Variants in KATNIP observed in about 807,000 individuals in gnomAD.
KATNIP encodes the protein katanin-interacting protein.
A neutral mutation model predicts 174.0 loss-of-function variants in KATNIP; 126 were observed. That is an observed-to-expected ratio of 0.72 (90% confidence interval 0.63 to 0.84). The LOEUF is 0.84. KATNIP is among the 40% of genes least tolerant of loss of function. The pLI is 0.00. For synonymous variants in KATNIP, 810 were observed against 835.7 expected (o/e 0.97, Z 0.53); for missense variants, 1,958 against 2,109.7 (o/e 0.93, Z 1.41).
intron 18 of KATNIP, among the ~76,000 whole-genome samples, chr16:27,759,095 G>A (rs534440962): frequency 6.6e-6 from 1 of 152,300 alleles, no homozygotes; most frequent in South Asian, 2.1e-4. Context: ...AATTAGTCAT[G>A]TGTTTAAAAT....
chr16:27,739,186 A>G (rs1267152570), intron 14 of KATNIP, among the ~76,000 whole-genome samples: 1 of 152,162 alleles, frequency 6.6e-6, no homozygotes, highest in Non-Finnish European at 1.5e-5. Context: ...GGTCAGACCC[A>G]GGAAGTGTTC....
At chr16:27,669,006 AAAAAAG>A (rs1302130218) in intron 6 of KATNIP, among the ~76,000 whole-genome samples, 1 of 152,174 alleles carries the variant, frequency 6.6e-6, no homozygotes, top group Non-Finnish European at 1.5e-5. Flanking sequence ...ACCCTTCCTC[AAAAAAG>A]AAAAAGAAAA....
intron 6 of KATNIP, among the ~76,000 whole-genome samples, chr16:27,654,287 A>T (rs2077200879): frequency 1.3e-5 from 2 of 152,046 alleles, no homozygotes; most frequent in South Asian, 2.1e-4. Context: ...CCCATTTTTT[A>T]AAAAAACTCA....
rs1413134153 is a variant in KATNIP, at chr16:27,708,876, G to A, written c.1561G>A (p.Ala521Thr). Residue 521 changes from alanine (A) to threonine (T), a missense_variant, in exon 13 of 28, where the codon GCC (alanine) becomes ACC (threonine). Physicochemically the swap from Ala to Thr is moderately conservative, Grantham distance 58. Coordinates refer to ENST00000261588, the MANE Select transcript of KATNIP (RefSeq NM_015202.5). ...CCACGATGTGGATATCCGGAACACAGCCACGCCTGGGGAGCTGGGCCGCCT... is the reference window on the plus strand; with the variant it reads ...CCACGATGTGGATATCCGGAACACAACCACGCCTGGGGAGCTGGGCCGCCT... Reference protein sequence around the residue: ...SPHDVDIRNTATPGELGRLVN... With the variant: ...SPHDVDIRNTTTPGELGRLVN... 18 of 1,613,920 alleles carry A rather than the reference G, an allele frequency of 1.1e-5. 1 individual carries two copies. Among genetic ancestry groups the A allele is most frequent in the Non-Finnish European group, 1.5e-5 (18 of 1,180,020 alleles).
intron 14 of KATNIP, among the ~76,000 whole-genome samples, chr16:27,733,564 GACACACACACAC>G (rs10558929): frequency 1.1e-3 from 153 of 143,376 alleles, no homozygotes; most frequent in Non-Finnish European, 1.5e-3. Flanking sequence ...AAACAAGAAG[GACACACACACAC>G]ACACACACAC....
chr16:27,727,180 ATGTTTGTTTGTT>A (rs537764418), intron 14 of KATNIP: 2 of 191,374 alleles, frequency 1.0e-5, no homozygotes, highest in African/African-American at 4.7e-5. Context: ...CTGATGGAGG[ATGTTTGTTTGTT>A]TGTTTGTTTG....
At chr16:27,701,289 C>G (rs1310208872) in intron 10 of KATNIP, 2 of 214,340 alleles carry the variant, frequency 9.3e-6, no homozygotes, top group African/African-American at 4.5e-5. Context: ...TCCCAAAATG[C>G]TACAGTTACA....
intron 1 of KATNIP, 113 bp downstream of exon 1, chr16:27,550,290 C>G: frequency 8.1e-7 from 1 of 1,229,804 alleles, no homozygotes; most frequent in Non-Finnish European, 1.1e-6. Flanking sequence ...CTTCCTGACC[C>G]AAGGGGGTCT....
At chr16:27,757,396 C>A in intron 18 of KATNIP, 1 of 610,476 alleles carries the variant, frequency 1.6e-6, no homozygotes, top group Non-Finnish European at 2.1e-6. Flanking sequence ...CAGGGTGGTT[C>A]TCCAGAGCGG....
At chr16:27,638,133 C>T (rs2076689940) in intron 5 of KATNIP, among the ~76,000 whole-genome samples, 1 of 152,184 alleles carries the variant, frequency 6.6e-6, no homozygotes, top group Non-Finnish European at 1.5e-5. Context: ...AGGGCATGGC[C>T]TGGGCTGCTG....
At chr16:27,627,457 C>T (rs375518851) in intron 3 of KATNIP, among the ~76,000 whole-genome samples, 6 of 152,106 alleles carry the variant, frequency 3.9e-5, no homozygotes, top group South Asian at 2.1e-4. Flanking sequence ...GAATCAACGG[C>T]GTAATAAGGC....
chr16:27,761,522 G>C lies in KATNIP; in HGVS notation c.3741G>C (p.Gln1247His). 6.2e-7 allele frequency: 1 copy of C among 1,614,150 alleles called. No individual in the cohort carries two copies. The change falls in exon 19 of 28, where the codon CAG becomes CAC. Residue 1247 changes from glutamine to histidine, a missense_variant. This residue lies in a region of KATNIP where 1,557 missense variants were observed against 1,617.8 expected (regional missense o/e 0.96). Coordinates refer to ENST00000261588, the MANE Select transcript of KATNIP (RefSeq NM_015202.5). ...AGGCGCTGCCCATCCACCTGCACCA[G>C]ATCTCTGCTTCCCCCAGAGACTTAA... ...EGQALPIHLHQISASPRDLNE... is the reference protein window; with the variant it reads ...EGQALPIHLHHISASPRDLNE...
intron 9 of KATNIP, among the ~76,000 whole-genome samples, chr16:27,698,766 C>A (rs1360962527): frequency 6.6e-6 from 1 of 152,256 alleles, no homozygotes; most frequent in Non-Finnish European, 1.5e-5. Flanking sequence ...GATTTCCCTG[C>A]AAACCCTGGA....
chr16:27,629,154 C>A (rs949422856), intron 4 of KATNIP, among the ~76,000 whole-genome samples: 1 of 139,662 alleles, frequency 7.2e-6, no homozygotes, highest in Non-Finnish European at 1.5e-5. Flanking sequence ...GGTGACAGAG[C>A]GAGACTCTGT....
intron 13 of KATNIP, among the ~76,000 whole-genome samples, chr16:27,713,828 A>ACACATACATAT (rs2079783691): frequency 1.6e-5 from 1 of 62,904 alleles, no homozygotes; most frequent in African/African-American, 8.6e-5. Context: ...ATATATATAT[A>ACACATACATAT]TATATATATA....
intron 2 of KATNIP, among the ~76,000 whole-genome samples, chr16:27,587,179 C>T (rs2090935630): frequency 6.6e-6 from 1 of 152,118 alleles, no homozygotes; most frequent in Non-Finnish European, 1.5e-5. Flanking sequence ...AGTACCTCCT[C>T]CTGGAGTTGT....
intron 13 of KATNIP, among the ~76,000 whole-genome samples, chr16:27,713,761 GTATA>G (rs1214147736): frequency 2.2e-5 from 3 of 135,072 alleles, no homozygotes; most frequent in African/African-American, 5.4e-5. Flanking sequence ...ATATGTGTGT[GTATA>G]TGTATATATA....
intron 8 of KATNIP, among the ~76,000 whole-genome samples, chr16:27,691,205 C>T (rs2078721329): frequency 6.6e-6 from 1 of 152,132 alleles, no homozygotes; most frequent in African/African-American, 2.4e-5. Flanking sequence ...GTGAGCCGAC[C>T]GGCAGCCTCG....
intron 1 of KATNIP, among the ~76,000 whole-genome samples, chr16:27,562,385 A>G (rs1025002611): frequency 6.6e-6 from 1 of 152,228 alleles, no homozygotes; most frequent in Non-Finnish European, 1.5e-5. Context: ...GAATTCATCC[A>G]TCTAAAACCC....
Sources: gnomAD v4.1 joint callset for allele counts (sites outside exome capture counted in the v4.1 genomes callset) on GRCh38, gnomAD v4.1.1 for gene constraint, gnomAD v4.1.1 regional missense constraint, MANE v1.5 for transcripts, NCBI Gene and HGNC (gene_info 2026-07-23, HGNC 2026-07-21) for gene names.